The following RPS6KA5 variants were observed in gnomAD, a reference collection of about 807,000 sequenced individuals.
The protein encoded by RPS6KA5 is ribosomal protein S6 kinase A5, also known as ribosomal protein S6 kinase alpha-5.
Under a neutral mutation model 85.5 loss-of-function variants are expected in RPS6KA5, and 27 were observed. The ratio of observed to expected loss-of-function variants is 0.32; its 90% CI spans 0.23 to 0.44. RPS6KA5 has a LOEUF of 0.44. RPS6KA5 is among the 20% of genes least tolerant of loss of function. The pLI, the probability that RPS6KA5 is intolerant of heterozygous loss-of-function variation, is 1.00. For missense variants in RPS6KA5, 811 were observed against 980.9 expected (o/e 0.83, Z 2.31); for synonymous variants, 334 against 348.2 (o/e 0.96, Z 0.46).
At chr14:90,877,454 A>T (rs2033552315) in intron 14 of RPS6KA5, among the ~76,000 whole-genome samples, 1 of 152,166 alleles carries the variant, frequency 6.6e-6, no homozygotes, top group Non-Finnish European at 1.5e-5. Flanking sequence ...CTGTGCCTCC[A>T]CCTGCCCCCA....
intron 3 of RPS6KA5, among the ~76,000 whole-genome samples, chr14:90,973,983 G>C (rs372913502): frequency 1.5e-4 from 19 of 125,964 alleles, no homozygotes; most frequent in Non-Finnish European, 2.8e-4. Flanking sequence ...GGCTGCAGTG[G>C]GCCAAGATTG....
chr14:90,934,661 A>T (rs1032975838), intron 5 of RPS6KA5, among the ~76,000 whole-genome samples: 4 of 151,962 alleles, frequency 2.6e-5, no homozygotes, highest in Non-Finnish European at 4.4e-5. Flanking sequence ...AATCTACCTT[A>T]AAAAAAATCG....
chr14:90,992,465 T>C (rs930704383), intron 2 of RPS6KA5, among the ~76,000 whole-genome samples: 1 of 152,232 alleles, frequency 6.6e-6, no homozygotes, highest in African/African-American at 2.4e-5. Context: ...AGATGTATAA[T>C]AGATAATGAG....
chr14:90,937,280 G>A (rs1434933687), intron 5 of RPS6KA5, among the ~76,000 whole-genome samples: 3 of 152,076 alleles, frequency 2.0e-5, no homozygotes, highest in African/African-American at 7.2e-5. Flanking sequence ...TGGCGGGGTA[G>A]GGGGGCAAGG....
intron 13 of RPS6KA5, among the ~76,000 whole-genome samples, chr14:90,893,686 T>C (rs1347101400): frequency 6.6e-6 from 1 of 152,122 alleles, no homozygotes; most frequent in Non-Finnish European, 1.5e-5. Flanking sequence ...ATCTTGTATA[T>C]GGTAAAGGAT....
At chr14:90,980,988 A>G (rs1169291656) in intron 2 of RPS6KA5, among the ~76,000 whole-genome samples, 3 of 152,184 alleles carry the variant, frequency 2.0e-5, no homozygotes, top group African/African-American at 7.2e-5. Context: ...CCTGATCAAC[A>G]TGGAGAAACC....
chr14:91,044,273 GAAAGAAA>G (rs1566901345), intron 1 of RPS6KA5, among the ~76,000 whole-genome samples: 4 of 18,572 alleles, frequency 2.2e-4, no homozygotes, highest in Non-Finnish European at 3.4e-4. Flanking sequence ...GAGAGAGAGA[GAAAGAAA>G]GAGAGAGAGA....
chr14:91,019,548 C>T (rs1459773122), intron 1 of RPS6KA5, among the ~76,000 whole-genome samples: 1 of 152,188 alleles, frequency 6.6e-6, no homozygotes, highest in East Asian at 1.9e-4. Context: ...ACCTGCCAGT[C>T]TCCATAATCA....
At chr14:90,920,066 T>C (rs2036325319) in intron 7 of RPS6KA5, 140 bp downstream of exon 7, 4 of 695,748 alleles carry the variant, frequency 5.7e-6, no homozygotes, top group Middle Eastern at 3.2e-4. Context: ...TGCCATATGA[T>C]AGAAATGAAA....
intron 1 of RPS6KA5, among the ~76,000 whole-genome samples, chr14:91,050,647 T>G (rs1034683195): frequency 1.3e-5 from 2 of 152,230 alleles, no homozygotes; most frequent in African/African-American, 4.8e-5. Flanking sequence ...CAGGCTGGTC[T>G]CAAACTCCCG....
intron 7 of RPS6KA5, among the ~76,000 whole-genome samples, chr14:90,919,760 C>T (rs1811182782): frequency 6.6e-6 from 1 of 152,088 alleles, no homozygotes; most frequent in South Asian, 2.1e-4. Flanking sequence ...GCTCTGAGAC[C>T]TACAAGAGGA....
chr14:90,876,374 T>C (rs75512627), intron 14 of RPS6KA5, among the ~76,000 whole-genome samples: 27,671 of 152,226 alleles, frequency 0.18, 2,840 homozygotes, highest in Middle Eastern at 0.26. Flanking sequence ...ATTACCCCTG[T>C]TTTTATTTTA....
At chr14:91,041,583 A>G (rs1358368092) in intron 1 of RPS6KA5, among the ~76,000 whole-genome samples, 1 of 152,244 alleles carries the variant, frequency 6.6e-6, no homozygotes, top group African/African-American at 2.4e-5. Flanking sequence ...GCCCAAGTCT[A>G]GGGCATACAT....
chr14:90,875,194 T>C lies in RPS6KA5; in HGVS notation c.1996+7A>G. 1 of 1,609,778 alleles carries C rather than the reference T, an allele frequency of 6.2e-7. No individual in the cohort carries two copies. The highest frequency in any genetic ancestry group is 1.1e-5 in the South Asian group (1 of 90,714). ...ATATAAAATGTAAAATTTCATTAGA[T>C]TCTTACCTTGGATCAAATCTTTAGC... is the stretch of plus-strand genomic sequence containing the variant. On this transcript the variant is annotated splice_region_variant and intron_variant, in intron 15 of 16. Coordinates refer to ENST00000614987, the MANE Select transcript of RPS6KA5 (RefSeq NM_004755.4).
At chr14:90,909,750 C>T (rs1256519822) in intron 7 of RPS6KA5, among the ~76,000 whole-genome samples, 2 of 152,086 alleles carry the variant, frequency 1.3e-5, no homozygotes, top group Non-Finnish European at 2.9e-5. Flanking sequence ...ACATAGATGA[C>T]ACATTGTGAA....
At chr14:90,973,816 C>T (rs1169358564) in intron 3 of RPS6KA5, among the ~76,000 whole-genome samples, 1 of 152,026 alleles carries the variant, frequency 6.6e-6, no homozygotes, top group Non-Finnish European at 1.5e-5. Flanking sequence ...GCGTGCGGAT[C>T]ACCTGAGGGT....
rs1392509312 is a variant in RPS6KA5 at position 90,873,890 on chromosome 14, T to C, written c.1997-95A>G. 4 of 1,067,592 alleles carry C rather than the reference T, an allele frequency of 3.7e-6. No homozygotes were observed. The Admixed American group carries it at 6.1e-5, about 16-fold the overall frequency. 66.1% of individuals were successfully genotyped at this position (1,067,592 alleles called of 1,614,324 possible). A position where few individuals can be genotyped will look rare whatever the true frequency, so the allele number is the denominator to read the frequency against. On this transcript the variant is annotated intron_variant, in intron 15 of 16. Coordinates refer to ENST00000614987, the MANE Select transcript of RPS6KA5 (RefSeq NM_004755.4). ...AAATCTCAGCTATGTTCACATGACA[T>C]AATGGTTTCTATATAGCTTTAACCT... is the stretch of plus-strand genomic sequence containing the variant.
intron 2 of RPS6KA5, among the ~76,000 whole-genome samples, chr14:90,996,701 A>C (rs2040536376): frequency 6.6e-6 from 1 of 152,126 alleles, no homozygotes; most frequent in Non-Finnish European, 1.5e-5. Flanking sequence ...TTGATAAAAA[A>C]CATAAAAACT....
At chr14:91,028,809 C>G (rs988704963) in intron 1 of RPS6KA5, among the ~76,000 whole-genome samples, 1 of 152,130 alleles carries the variant, frequency 6.6e-6, no homozygotes, top group African/African-American at 2.4e-5. Flanking sequence ...TGAGCCACTG[C>G]GCCCAGCCTA....
Sources: allele counts gnomAD v4.1 joint callset (sites outside exome capture counted in the v4.1 genomes callset), GRCh38; gene constraint gnomAD v4.1.1; transcripts MANE v1.5; gene names NCBI Gene and HGNC (gene_info 2026-07-23, HGNC 2026-07-21).